The following SERPINA6 variants were observed in gnomAD, a reference collection of about 807,000 sequenced individuals.
The protein encoded by SERPINA6 is serpin family A member 6, also known as corticosteroid-binding globulin.
In SERPINA6, 19 loss-of-function variants were observed where a neutral mutation model predicts 26.4. That is an observed-to-expected ratio of 0.72 (90% CI 0.50 to 1.06). SERPINA6 has a LOEUF of 1.06. Among genes scored for constraint, SERPINA6 ranks in the 50% least tolerant of loss-of-function variants. The probability of loss-of-function intolerance (pLI) is 0.00; values close to 1 mark genes in which losing one functional copy is unlikely to be tolerated. For missense variants in SERPINA6, 473 were observed against 504.0 expected, an observed-to-expected ratio of 0.94 and a Z score of 0.59; for synonymous variants, 196 against 199.4, an observed-to-expected ratio of 0.98 and a Z score of 0.14.
chr14:94,311,687 C>G (rs1234517020), intron 2 of SERPINA6, among the ~76,000 whole-genome samples: 1 of 152,092 alleles, frequency 6.6e-6, no homozygotes, highest in Non-Finnish European at 1.5e-5. Flanking sequence ...CACCTGTAAT[C>G]CCAGCACTTT....
chr14:94,307,211 T>C (rs1018286514), intron 3 of SERPINA6, among the ~76,000 whole-genome samples: 7 of 152,302 alleles, frequency 4.6e-5, no homozygotes, highest in South Asian at 2.1e-4. Context: ...ACTTTTTTTT[T>C]CTCCTCTCTC....
chr14:94,316,616 G>C (rs973049781), intron 1 of SERPINA6, among the ~76,000 whole-genome samples: 4 of 152,134 alleles, frequency 2.6e-5, no homozygotes, highest in African/African-American at 9.7e-5. Context: ...CTATTCATGG[G>C]GGCTCTACCC....
intron 2 of SERPINA6, among the ~76,000 whole-genome samples, chr14:94,311,846 G>A (rs1279197181): frequency 6.6e-6 from 1 of 152,128 alleles, no homozygotes; most frequent in Non-Finnish European, 1.5e-5. Flanking sequence ...TACTCAGGAG[G>A]CTGAGGCAGG....
chr14:94,320,920 C>T (rs906137247), intron 1 of SERPINA6, among the ~76,000 whole-genome samples: 16 of 152,122 alleles, frequency 1.1e-4, no homozygotes, highest in South Asian at 2.1e-4. Context: ...AATTCTCCAT[C>T]GGGTTTCTGA....
chr14:94,317,120 C>A (rs779411380), intron 1 of SERPINA6, among the ~76,000 whole-genome samples: 2 of 151,862 alleles, frequency 1.3e-5, no homozygotes, highest in Non-Finnish European at 2.9e-5. Context: ...TCTGGAGAAC[C>A]CTGACTAATA....
At chr14:94,305,826 T>G (rs1895429501) in intron 4 of SERPINA6, among the ~76,000 whole-genome samples, 1 of 152,102 alleles carries the variant, frequency 6.6e-6, no homozygotes, top group African/African-American at 2.4e-5. Context: ...TCTGGTGGGA[T>G]GGGTAGGTGC....
chr14:94,314,418 C>G lies in SERPINA6; in HGVS notation c.231G>C (p.Leu77=). Residue 77 remains leucine (L), a synonymous_variant, in exon 2 of 5, where the codon CTG becomes CTC. Transcript: ENST00000341584. Reference sequence around the variant, plus strand: ...GTGTGTGGCCACAGGTGCCCAGGGACAGCATAGCTAAGGCCATGGAGATGC... The same window carrying G: ...GTGTGTGGCCACAGGTGCCCAGGGAGAGCATAGCTAAGGCCATGGAGATGC... ...PVSISMALAM[L]SLGTCGHTRA... is the part of the protein sequence containing the mutation. The G allele has an allele frequency of 6.2e-7, 1 of 1,614,160 alleles. No individual in the cohort carries two copies. The highest frequency in any genetic ancestry group is 8.5e-7 in the Non-Finnish European group (1 of 1,180,032).
At chr14:94,319,128 T>C (rs1202709498) in intron 1 of SERPINA6, among the ~76,000 whole-genome samples, 1 of 152,162 alleles carries the variant, frequency 6.6e-6, no homozygotes, top group East Asian at 1.9e-4. Flanking sequence ...TCCACAGGGA[T>C]GGCTACTAAC....
intron 2 of SERPINA6, among the ~76,000 whole-genome samples, chr14:94,313,530 T>C (rs977366164): frequency 2.0e-5 from 3 of 152,192 alleles, no homozygotes; most frequent in African/African-American, 7.2e-5. Flanking sequence ...CCACAGGCCA[T>C]GTGGCTTCTA....
chr14:94,306,003 T>G, intron 4 of SERPINA6, 68 bp downstream of exon 4: 1 of 1,587,840 alleles, frequency 6.3e-7, no homozygotes, highest in Non-Finnish European at 8.6e-7. Context: ...TCAGTGCCAC[T>G]TCCTAGTATT....
chr14:94,319,303 A>G (rs1895653008), intron 1 of SERPINA6, among the ~76,000 whole-genome samples: 4 of 152,254 alleles, frequency 2.6e-5, no homozygotes, highest in African/African-American at 9.6e-5. Flanking sequence ...TTTTTTTTTT[A>G]ATTTAAATGT....
chr14:94,318,372 C>G (rs1285946339), intron 1 of SERPINA6, among the ~76,000 whole-genome samples: 1 of 151,834 alleles, frequency 6.6e-6, no homozygotes, highest in Non-Finnish European at 1.5e-5. Context: ...CAAAACAATA[C>G]TGAAGAAGAA....
rs758124674 is a variant in SERPINA6, at chr14:94,309,922, A to G, written c.698T>C (p.Met233Thr). ...ACTGATGGTGCTCGACTGCAACATC[A>G]TGGGCACCTTCACCACAGTTGTCTC... is the stretch of plus-strand genomic sequence containing the variant. ...VDETTVVKVP[M>T]MLQSSTISYL... The change falls in exon 3 of 5, where the codon ATG becomes ACG. Residue 233 changes from methionine to threonine, a missense_variant. Transcript: ENST00000341584. 2 of 1,614,190 alleles carry G rather than the reference A, an allele frequency of 1.2e-6. No homozygotes were observed.
intron 2 of SERPINA6, among the ~76,000 whole-genome samples, chr14:94,313,542 A>T (rs2139722034): frequency 6.6e-6 from 1 of 152,340 alleles, no homozygotes; most frequent in Non-Finnish European, 1.5e-5. Context: ...TGGCTTCTAG[A>T]AGCTGGAAAA....
At chr14:94,311,039 C>G (rs938974737) in intron 2 of SERPINA6, among the ~76,000 whole-genome samples, 3 of 152,220 alleles carry the variant, frequency 2.0e-5, no homozygotes, top group African/African-American at 7.2e-5. Flanking sequence ...ATTCTTGGTT[C>G]TAAGCCAGCC....
intron 3 of SERPINA6, among the ~76,000 whole-genome samples, chr14:94,308,921 C>T (rs886134839): frequency 6.6e-6 from 1 of 152,090 alleles, no homozygotes; most frequent in East Asian, 1.9e-4. Flanking sequence ...TATGCACTCA[C>T]TCACCATTCT....
At position 94,314,350 on chromosome 14, in the gene SERPINA6, C is replaced by G. The variant is rs922069031; in HGVS notation, c.299G>C (p.Arg100Thr). The G allele has an allele frequency of 6.2e-7, 1 of 1,614,026 alleles. No individual in the cohort carries two copies. The highest frequency in any genetic ancestry group is 8.5e-7 in the Non-Finnish European group (1 of 1,180,022). The change falls in exon 2 of 5, where the codon AGG (arginine) becomes ACG (threonine). Residue 100 changes from arginine to threonine, a missense_variant. Coordinates refer to ENST00000341584, the MANE Select transcript of SERPINA6 (RefSeq NM_001756.4). Reference protein sequence around the residue: ...LQGLGFNLTERSETEIHQGFQ... With the variant: ...LQGLGFNLTETSETEIHQGFQ... Reference sequence around the variant, plus strand: ...ACCCTGGTGGATCTCAGTCTCAGACCTCTCAGTGAGGTTGAAACCCAGGCC... The same window carrying G: ...ACCCTGGTGGATCTCAGTCTCAGACGTCTCAGTGAGGTTGAAACCCAGGCC...
chr14:94,313,966 C>G, intron 2 of SERPINA6, 70 bp downstream of exon 2: 1 of 1,553,840 alleles, frequency 6.4e-7, no homozygotes, highest in Non-Finnish European at 8.9e-7. Context: ...CAAGAGTGTG[C>G]CCTGGATTTT....
chr14:94,322,402 C>T (rs1014699048), intron 1 of SERPINA6, among the ~76,000 whole-genome samples: 5 of 152,216 alleles, frequency 3.3e-5, no homozygotes, highest in Admixed American at 6.5e-5. Context: ...TCCAGCTACT[C>T]GGGAGGCTGA....
Sources: allele counts gnomAD v4.1 joint callset (sites outside exome capture counted in the v4.1 genomes callset), GRCh38; gene constraint gnomAD v4.1.1; transcripts MANE v1.5; gene names NCBI Gene and HGNC (gene_info 2026-07-23, HGNC 2026-07-21).